RUVBL2: variants seen among roughly 807,000 people sequenced by gnomAD.
The protein encoded by RUVBL2 is ruvB-like 2.
Under a neutral mutation model 57.9 loss-of-function variants are expected in RUVBL2, and 9 were observed. That is an observed-to-expected ratio of 0.16 (90% CI 0.09 to 0.27). The LOEUF is 0.27. Ranked by LOEUF, RUVBL2 falls within the 10% of genes least tolerant of loss-of-function variation. The probability of loss-of-function intolerance (pLI) is 1.00; values close to 1 mark genes in which losing one functional copy is unlikely to be tolerated. For synonymous variants in RUVBL2, 278 were observed against 264.6 expected (o/e 1.05, Z -0.49); for missense variants, 456 against 669.6 (o/e 0.68, Z 3.52).
intron 8 of RUVBL2, 188 bp downstream of exon 8, chr19:49,010,254 C>T (rs374694073): frequency 2.0e-4 from 139 of 695,676 alleles, no homozygotes; most frequent in Middle Eastern, 1.2e-3. Flanking sequence ...CTTCGCATGG[C>T]CACATGTGGC....
At chr19:49,003,771 G>A (rs1351743436) in intron 3 of RUVBL2, among the ~76,000 whole-genome samples, 7 of 148,486 alleles carry the variant, frequency 4.7e-5, no homozygotes, top group Middle Eastern at 3.4e-3. Flanking sequence ...GTGACATCTC[G>A]GAAAAAAAAA....
chr19:49,014,815 C>A (rs949165310), intron 12 of RUVBL2, among the ~76,000 whole-genome samples: 5 of 152,190 alleles, frequency 3.3e-5, no homozygotes, highest in African/African-American at 1.2e-4. Flanking sequence ...TTGGGGCCAG[C>A]GCCCTGGGGG....
chr19:49,009,354 G>A (rs1479479375), intron 6 of RUVBL2, among the ~76,000 whole-genome samples: 1 of 151,454 alleles, frequency 6.6e-6, no homozygotes, highest in African/African-American at 2.4e-5. Flanking sequence ...ATGCGTGGTG[G>A]CGGGCGCCTG....
intron 6 of RUVBL2, among the ~76,000 whole-genome samples, chr19:49,008,023 T>TC (rs2039318212): frequency 6.7e-6 from 1 of 149,616 alleles, no homozygotes; most frequent in South Asian, 2.1e-4. Flanking sequence ...TTTTTTTTTT[T>TC]TTTTTTTTTT....
intron 1 of RUVBL2, among the ~76,000 whole-genome samples, chr19:48,997,906 G>A (rs527244448): frequency 6.8e-4 from 104 of 152,280 alleles, no homozygotes; most frequent in Non-Finnish European, 1.3e-3. Context: ...TCTCTGTGGA[G>A]AACTGTCAAC....
At chr19:49,014,064 T>C (rs540261388) in intron 11 of RUVBL2, among the ~76,000 whole-genome samples, 1 of 152,316 alleles carries the variant, frequency 6.6e-6, no homozygotes, top group African/African-American at 2.4e-5. Flanking sequence ...GATCAGCTAA[T>C]TGGAGTGTTC....
chr19:48,996,502 C>CTCTGTG (rs769118447), intron 1 of RUVBL2, among the ~76,000 whole-genome samples: 2 of 138,148 alleles, frequency 1.4e-5, no homozygotes, highest in Non-Finnish European at 3.1e-5. Flanking sequence ...ATTTTTGTAT[C>CTCTGTG]TGTGTGTGTG....
intron 13 of RUVBL2, 158 bp downstream of exon 13, chr19:49,015,308 T>G: frequency 1.0e-6 from 1 of 977,368 alleles, no homozygotes; most frequent in East Asian, 2.6e-5. Context: ...CAGCCTGGCC[T>G]ATAGTAGGTA....
rs950390572 is a variant in RUVBL2 at position 49,014,670 on chromosome 19, G to A, written c.1121+67G>A. ...GGGTCTACCCTGTTTGACAAATGCT[G>A]ACACTGAGGTCCAGCGGAGTGGCAT... is the stretch of plus-strand genomic sequence containing the variant. On this transcript the variant is annotated intron_variant, in intron 12 of 14. Transcript: ENST00000595090. 22 of 1,585,612 alleles carry A rather than the reference G, an allele frequency of 1.4e-5. No homozygotes were observed. The Admixed American group carries it at 2.0e-4, about 15-fold the overall frequency.
chr19:48,993,542 G>C (rs1053817343), upstream of RUVBL2: 4 of 455,506 alleles, frequency 8.8e-6, no homozygotes, highest in Admixed American at 1.0e-4. Flanking sequence ...TGTCAATCTG[G>C]AGCTGGAGGC....
At chr19:48,994,235 G>C (rs1411698640) in intron 1 of RUVBL2, 1 of 490,690 alleles carries the variant, frequency 2.0e-6, no homozygotes, top group African/African-American at 1.9e-5. Context: ...CTTGGCGCCA[G>C]TGTGTGATGA....
chr19:49,013,408 C>T (rs2039475825), intron 11 of RUVBL2, among the ~76,000 whole-genome samples: 1 of 151,322 alleles, frequency 6.6e-6, no homozygotes, highest in Non-Finnish European at 1.5e-5. Context: ...CTTTTTGGGG[C>T]CATTTGTTGG....
chr19:48,997,879 G>A (rs2039094903), intron 1 of RUVBL2, among the ~76,000 whole-genome samples: 1 of 152,110 alleles, frequency 6.6e-6, no homozygotes, highest in Non-Finnish European at 1.5e-5. Flanking sequence ...ATGTGAGAAG[G>A]GGTGGTAGCT....
chr19:48,998,429 TCA>T (rs2039107312), intron 1 of RUVBL2, among the ~76,000 whole-genome samples: 1 of 152,048 alleles, frequency 6.6e-6, no homozygotes, highest in African/African-American at 2.4e-5. Context: ...GCACGGTGGT[TCA>T]CACCTGTAAT....
At chr19:49,014,713 G>A in intron 12 of RUVBL2, 110 bp downstream of exon 12, 1 of 1,436,628 alleles carries the variant, frequency 7.0e-7, no homozygotes, top group Non-Finnish European at 9.4e-7. Flanking sequence ...GGGCCTACAG[G>A]AGAGAGGGCT....
intron 2 of RUVBL2, chr19:49,001,403 C>G (rs991290265): frequency 6.6e-6 from 1 of 151,048 alleles, no homozygotes; most frequent in African/African-American, 2.4e-5. Flanking sequence ...ACCTCGTGAT[C>G]CGCCCGCCTC....
At position 49,011,381 on chromosome 19, in the gene RUVBL2, G is replaced by A. The variant is rs944500828; in HGVS notation, c.1001+71G>A. On this transcript the variant is annotated intron_variant, in intron 11 of 14. Transcript: ENST00000595090. The surrounding 1 kb of genome is among the most constrained non-coding windows in gnomAD (Gnocchi z 4.4). ...CAGTGGGTGTGGTCAGAGGGTCAAT[G>A]GGAGCCTGTGTTGACACCGGGTCAG... 1.5e-5 allele frequency: 19 copies of A among 1,247,554 alleles called. No individual in the cohort carries two copies. Among genetic ancestry groups the A allele is most frequent in the Non-Finnish European group, 1.9e-5 (16 of 854,912 alleles). 77.3% of individuals were successfully genotyped at this position (1,247,554 alleles called of 1,614,324 possible).
intron 8 of RUVBL2, 24 bp from the exon 9 acceptor site, chr19:49,010,464 T>TGGTGGG: frequency 1.3e-6 from 2 of 1,513,582 alleles, no homozygotes; most frequent in Non-Finnish European, 1.8e-6. Flanking sequence ...TCTCCGCCGT[T>TGGTGGG]CTTCCCCCAC....
intron 3 of RUVBL2, 35 bp from the exon 4 acceptor site, chr19:49,004,242 C>A (rs763255080): frequency 6.2e-6 from 10 of 1,605,956 alleles, no homozygotes; most frequent in Non-Finnish European, 8.5e-6. Context: ...GGTAGCCCCA[C>A]AGGAAATCAC....
Sources: gnomAD v4.1 joint callset for allele counts (sites outside exome capture counted in the v4.1 genomes callset) on GRCh38, gnomAD v4.1.1 for gene constraint, Gnocchi (gnomAD v3.1) non-coding constraint, MANE v1.5 for transcripts, NCBI Gene and HGNC (gene_info 2026-07-23, HGNC 2026-07-21) for gene names.